The following PLEKHD1 variants were observed in gnomAD, a reference collection of about 807,000 sequenced individuals.
The protein encoded by PLEKHD1 is pleckstrin homology and coiled-coil domain containing D1.
In PLEKHD1, 51 loss-of-function variants were observed where a neutral mutation model predicts 69.2. The ratio of observed to expected loss-of-function variants is 0.74; its 90% confidence interval spans 0.59 to 0.93. PLEKHD1 has a LOEUF of 0.93. Among genes scored for constraint, PLEKHD1 ranks in the 40% least tolerant of loss-of-function variants. PLEKHD1 has a pLI of 0.00. For synonymous variants in PLEKHD1, 236 were observed against 244.7 expected (o/e 0.96, Z 0.33); for missense variants, 584 against 641.0 (o/e 0.91, Z 0.96).
rs926225255 is a variant in PLEKHD1, at chr14:69,528,503, A to G, written c.*84A>G. ...TGGCAGAGGGAGGCCTCACTCTACC[A>G]GCTCCTGGCCTCTCTGGTCTGGAGC... is the stretch of plus-strand genomic sequence containing the variant. On this transcript the variant is annotated 3_prime_UTR_variant, in exon 13 of 13. Coordinates refer to ENST00000322564, the MANE Select transcript of PLEKHD1 (RefSeq NM_001161498.2). 75 of 1,466,030 alleles carry G rather than the reference A, an allele frequency of 5.1e-5. No individual in the cohort carries two copies. In the East Asian group the frequency reaches 1.5e-3, roughly 29 times the overall value. The allele number at this position is 1,466,030 out of a possible 1,614,324, so 90.8% of individuals were successfully genotyped here. A position where few individuals can be genotyped will look rare whatever the true frequency, so the allele number is the denominator to read the frequency against.
rs1289548132 is a variant in PLEKHD1, at chr14:69,529,390, A to T, written c.*971A>T. 1 of 152,228 alleles carries T rather than the reference A, an allele frequency of 6.6e-6. No individual in the cohort carries two copies. Among genetic ancestry groups the T allele is most frequent in the Non-Finnish European group, 1.5e-5 (1 of 68,094 alleles). 9.4% of individuals were successfully genotyped at this position (152,228 alleles called of 1,614,324 possible). A position where few individuals can be genotyped will look rare whatever the true frequency, so the allele number is the denominator to read the frequency against. On this transcript the variant is annotated 3_prime_UTR_variant, in exon 13 of 13. Transcript: ENST00000322564. ...ACCCTGTCTCTACAAAAAATAAAAA[A>T]AATAAAATAAATAGCTGGGCATGGT...
upstream of PLEKHD1, among the ~76,000 whole-genome samples, chr14:69,479,795 C>A (rs1882510693): frequency 6.6e-6 from 1 of 152,130 alleles, no homozygotes; most frequent in Admixed American, 6.6e-5. Flanking sequence ...CTTATGTTAA[C>A]ACTAGAAGCA....
At chr14:69,498,891 G>A (rs1423845319) in intron 1 of PLEKHD1, among the ~76,000 whole-genome samples, 9 of 151,518 alleles carry the variant, frequency 5.9e-5, no homozygotes, top group African/African-American at 4.9e-5. Context: ...CAAGTGATCC[G>A]CCCGCCTCAG....
At chr14:69,513,488 G>A (rs67982218) in intron 6 of PLEKHD1, among the ~76,000 whole-genome samples, 13,328 of 152,194 alleles carry the variant, frequency 0.088, 930 homozygotes, top group African/African-American at 0.2. Context: ...TGGACATTCA[G>A]CAGTCTATGA....
At chr14:69,487,182 AACACACACACAC>A (rs199671230) in intron 1 of PLEKHD1, among the ~76,000 whole-genome samples, 5,229 of 140,434 alleles carry the variant, frequency 0.037, 152 homozygotes, top group South Asian at 0.13. Context: ...GGGAATACAC[AACACACACACAC>A]ACACACACAC....
chr14:69,526,021 G>A lies in PLEKHD1; in HGVS notation c.822G>A (p.Gln274=). 2 of 1,551,690 alleles carry A rather than the reference G, an allele frequency of 1.3e-6. No homozygotes were observed. The highest frequency in any genetic ancestry group is 8.7e-7 in the Non-Finnish European group (1 of 1,146,994). The change falls in exon 9 of 13, where the codon CAG becomes CAA. Residue 274 remains glutamine, a synonymous_variant. Coordinates refer to ENST00000322564, the MANE Select transcript of PLEKHD1 (RefSeq NM_001161498.2). The part of the protein sequence containing the change: ...NENHLQTLAN[Q]SEQPPPSGGL... The stretch of plus-strand genomic sequence containing the variant: ...ACCACCTGCAGACACTGGCCAATCA[G>A]AGTGAGCAGCCCCCTCCCAGTGGGG...
Position 69,531,020 on chromosome 14 carries a change from G to T in PLEKHD1, c.*2601G>T, listed in dbSNP as rs1883778445. 6.6e-6 allele frequency: 1 copy of T among 152,126 alleles called. No homozygotes were observed. Among genetic ancestry groups the T allele is most frequent in the African/African-American group, 2.4e-5 (1 of 41,384 alleles). The allele number at this position is 152,126 out of a possible 1,614,324, so 9.4% of individuals were successfully genotyped here. A position where few individuals can be genotyped will look rare whatever the true frequency, so the allele number is the denominator to read the frequency against. The stretch of plus-strand genomic sequence containing the variant: ...GCCTATAGTCCCAGCTACTCAGGAG[G>T]CTGAGACAGGAGAATCACTTGAACC... On this transcript the variant is annotated 3_prime_UTR_variant, in exon 13 of 13. Coordinates refer to ENST00000322564, the MANE Select transcript of PLEKHD1 (RefSeq NM_001161498.2).
chr14:69,498,890 C>T (rs914103388), intron 1 of PLEKHD1, among the ~76,000 whole-genome samples: 4 of 151,972 alleles, frequency 2.6e-5, no homozygotes, highest in South Asian at 2.1e-4. Context: ...TCAAGTGATC[C>T]GCCCGCCTCA....
At chr14:69,492,844 A>G (rs1020975480) in intron 1 of PLEKHD1, among the ~76,000 whole-genome samples, 1 of 152,132 alleles carries the variant, frequency 6.6e-6, no homozygotes, top group Admixed American at 6.6e-5. Flanking sequence ...ATCACAGCTC[A>G]CTGTAGCGTC....
intron 1 of PLEKHD1, among the ~76,000 whole-genome samples, chr14:69,490,356 TA>T: frequency 6.6e-6 from 1 of 152,334 alleles, no homozygotes; most frequent in South Asian, 2.1e-4. Flanking sequence ...TATGAGAATC[TA>T]ATGCCGCCGC....
chr14:69,483,704 G>A (rs1882588826), upstream of PLEKHD1, among the ~76,000 whole-genome samples: 1 of 152,254 alleles, frequency 6.6e-6, no homozygotes, highest in African/African-American at 2.4e-5. Flanking sequence ...GTTGCAATCC[G>A]ACTTCCAGAG....
At chr14:69,476,206 C>T in the PLEKHD1 span, among the ~76,000 whole-genome samples, 1 of 138,486 alleles carries the variant, frequency 7.2e-6, no homozygotes, top group African/African-American at 2.8e-5. Context: ...TGCAGTGAGC[C>T]GAGATCGAGG....
the PLEKHD1 span, among the ~76,000 whole-genome samples, chr14:69,473,618 T>C: frequency 6.6e-6 from 1 of 152,230 alleles, no homozygotes; most frequent in South Asian, 2.1e-4. Context: ...TGATTTTTGT[T>C]ACCATGTTAG....
rs192859248 is a variant in PLEKHD1, at chr14:69,500,282, G to T, written c.243+74G>T. Reference sequence around the variant, plus strand: ...CATCAGAGCTTGCATCTTGTGAGGGGAGGGGACTGCGCTCTTGCTCTGGCC... The same window carrying T: ...CATCAGAGCTTGCATCTTGTGAGGGTAGGGGACTGCGCTCTTGCTCTGGCC... On this transcript the variant is annotated intron_variant, in intron 2 of 12. Transcript: ENST00000322564. 1.4e-5 allele frequency: 17 copies of T among 1,230,006 alleles called. No homozygotes were observed. In the East Asian group the frequency reaches 3.5e-4, roughly 26 times the overall value. 76.2% of individuals were successfully genotyped at this position (1,230,006 alleles called of 1,614,324 possible).
chr14:69,486,964 G>A (rs532658229), intron 1 of PLEKHD1, among the ~76,000 whole-genome samples: 3 of 152,272 alleles, frequency 2.0e-5, no homozygotes, highest in Non-Finnish European at 2.9e-5. Flanking sequence ...AAAGCCACCC[G>A]AAACGATGCA....
chr14:69,501,362 G>T, intron 4 of PLEKHD1: 1 of 325,038 alleles, frequency 3.1e-6, no homozygotes, highest in Non-Finnish European at 5.7e-6. Context: ...GCCTAGTCAG[G>T]CTAGGTCATG....
intron 1 of PLEKHD1, among the ~76,000 whole-genome samples, chr14:69,497,821 T>C (rs901759587): frequency 1.3e-5 from 2 of 152,164 alleles, no homozygotes; most frequent in Admixed American, 6.5e-5. Flanking sequence ...TTGGCTTTAG[T>C]AGGGTATCAA....
intron 7 of PLEKHD1, among the ~76,000 whole-genome samples, chr14:69,522,678 G>T (rs1043246844): frequency 8.6e-5 from 13 of 152,038 alleles, no homozygotes; most frequent in Non-Finnish European, 1.3e-4. Context: ...TCTCACCCAG[G>T]GCCAGACAGG....
At chr14:69,506,714 C>T (rs1353612175) in intron 6 of PLEKHD1, among the ~76,000 whole-genome samples, 1 of 152,154 alleles carries the variant, frequency 6.6e-6, no homozygotes, top group Non-Finnish European at 1.5e-5. Context: ...AATGAGTCAA[C>T]ATTGACACAC....
Sources: allele counts gnomAD v4.1 joint callset (sites outside exome capture counted in the v4.1 genomes callset), GRCh38; gene constraint gnomAD v4.1.1; transcripts MANE v1.5; gene names NCBI Gene and HGNC (gene_info 2026-07-23, HGNC 2026-07-21).